CLVS1: variants seen among roughly 807,000 people sequenced by gnomAD.
CLVS1 encodes clavesin 1.
CLVS1 carries 10 observed loss-of-function variants against 33.1 expected under a neutral mutation model. That is an observed-to-expected ratio of 0.30 (90% CI 0.19 to 0.51). CLVS1 has a LOEUF of 0.51. CLVS1 is among the 20% of genes least tolerant of loss of function. The pLI, the probability that CLVS1 is intolerant of heterozygous loss-of-function variation, is 0.97. For missense variants in CLVS1, 343 were observed against 433.4 expected, an observed-to-expected ratio of 0.79 and a Z score of 1.85; for synonymous variants, 163 against 166.1, an observed-to-expected ratio of 0.98 and a Z score of 0.14.
intron 3 of CLVS1, among the ~76,000 whole-genome samples, chr8:61,385,139 G>A (rs1035475774): frequency 3.3e-5 from 5 of 152,170 alleles, no homozygotes; most frequent in African/African-American, 4.8e-5. Flanking sequence ...CATACTTTCC[G>A]TTGGGCAAGA....
At chr8:61,251,880 A>AT (rs1189004160) in intron 2 of CLVS1, among the ~76,000 whole-genome samples, 3 of 151,794 alleles carry the variant, frequency 2.0e-5, no homozygotes, top group African/African-American at 4.8e-5. Context: ...GAATTCATTG[A>AT]TTTTTTGAAG....
chr8:61,212,925 G>A (rs1808002713), intron 2 of CLVS1, among the ~76,000 whole-genome samples: 1 of 152,104 alleles, frequency 6.6e-6, no homozygotes, highest in African/African-American at 2.4e-5. Flanking sequence ...GTCGGGGACA[G>A]GTGAAGCTTG....
intron 2 of CLVS1, among the ~76,000 whole-genome samples, chr8:61,237,188 T>A (rs1391628746): frequency 6.6e-6 from 1 of 152,184 alleles, no homozygotes; most frequent in East Asian, 1.9e-4. Context: ...ATGACTCCTA[T>A]TTTCAGCATA....
intron 3 of CLVS1, among the ~76,000 whole-genome samples, chr8:61,433,192 G>A (rs1217223065): frequency 6.6e-6 from 1 of 152,182 alleles, no homozygotes; most frequent in East Asian, 1.9e-4. Context: ...GGGTCCAAGT[G>A]ATCCACCCAC....
chr8:61,207,070 C>T (rs772140349), intron 2 of CLVS1, among the ~76,000 whole-genome samples: 7 of 152,204 alleles, frequency 4.6e-5, no homozygotes, highest in Non-Finnish European at 8.8e-5. Context: ...CATCTTTGTA[C>T]TGAGGGAGCC....
intron 3 of CLVS1, among the ~76,000 whole-genome samples, chr8:61,418,347 CTATT>C (rs1815524859): frequency 6.6e-6 from 1 of 152,142 alleles, no homozygotes; most frequent in Admixed American, 6.5e-5. Context: ...AAAAAACCAA[CTATT>C]TGTTATTACT....
chr8:61,317,631 T>A (rs1297699038), intron 2 of CLVS1, among the ~76,000 whole-genome samples: 1 of 152,174 alleles, frequency 6.6e-6, no homozygotes, highest in Non-Finnish European at 1.5e-5. Flanking sequence ...TCTGAACAAG[T>A]ATTACTTTTT....
intron 2 of CLVS1, among the ~76,000 whole-genome samples, chr8:61,163,494 C>T (rs544425186): frequency 1.4e-4 from 22 of 152,310 alleles, no homozygotes; most frequent in African/African-American, 5.1e-4. Context: ...AAAGCTCTCC[C>T]TCCAAGCCGT....
At chr8:60,968,532 C>CA in the CLVS1 span, among the ~76,000 whole-genome samples, 2 of 140,938 alleles carry the variant, frequency 1.4e-5, no homozygotes, top group African/African-American at 5.3e-5. Flanking sequence ...AAAAAAAAAT[C>CA]AAATTTATAA....
intron 2 of CLVS1, among the ~76,000 whole-genome samples, chr8:61,257,208 T>C (rs1207737317): frequency 6.6e-6 from 1 of 152,200 alleles, no homozygotes; most frequent in Non-Finnish European, 1.5e-5. Flanking sequence ...TCTGTCCCAG[T>C]GCTAATTGAG....
chr8:61,290,140 G>T lies in CLVS1; in HGVS notation c.-152+2002G>T, dbSNP rs138125711. On this transcript the variant is annotated intron_variant, in intron 1 of 5. Transcript: ENST00000325897. Reference sequence around the variant, plus strand: ...ATTCTAGCTGCTTCACACCAGAAACGCAGTCCAGGAATCCAGTGCCTCTAG... The same window carrying T: ...ATTCTAGCTGCTTCACACCAGAAACTCAGTCCAGGAATCCAGTGCCTCTAG... Among the ~76,000 whole-genome samples the T allele has an allele frequency of 3.5e-3, 534 of 152,258 alleles. 2 individuals carry two copies. Among genetic ancestry groups the T allele is most frequent in the Middle Eastern group, 6.8e-3 (2 of 294 alleles).
rs555805475 is a variant in CLVS1 at position 61,358,258 on chromosome 8, C to T, written c.456-18347C>T. On this transcript the variant is annotated intron_variant, in intron 2 of 5. Coordinates refer to ENST00000325897, the MANE Select transcript of CLVS1 (RefSeq NM_173519.3). ...TTTGTAAAATGTTATTTGTTTGACCCTCACCTACCTCCTTTCCTATGTTAG... is the reference window on the plus strand; with the variant it reads ...TTTGTAAAATGTTATTTGTTTGACCTTCACCTACCTCCTTTCCTATGTTAG... Among the ~76,000 whole-genome samples the T allele has an allele frequency of 3.9e-5, 6 of 152,302 alleles. No homozygotes were observed. The South Asian group carries it at 1.2e-3, about 32-fold the overall frequency.
chr8:61,121,543 C>T (rs1805871509), intron 1 of CLVS1, among the ~76,000 whole-genome samples: 1 of 152,144 alleles, frequency 6.6e-6, no homozygotes, highest in East Asian at 1.9e-4. Context: ...TTGTGACACT[C>T]ACAGATGGAT....
chr8:61,479,519 A>G (rs1177054153), intron 5 of CLVS1, among the ~76,000 whole-genome samples: 1 of 151,978 alleles, frequency 6.6e-6, no homozygotes, highest in Non-Finnish European at 1.5e-5. Flanking sequence ...CTTCTTTGCC[A>G]TTGGTTCTAA....
chr8:61,451,810 C>CAGAGAGAGAGAGAG (rs545429020), intron 3 of CLVS1, among the ~76,000 whole-genome samples: 193 of 137,424 alleles, frequency 1.4e-3, no homozygotes, highest in Non-Finnish European at 2.1e-3. Flanking sequence ...CACACACACA[C>CAGAGAGAGAGAGAG]ACAGAGAGAG....
At chr8:61,177,802 C>CAAA (rs58292797) in intron 2 of CLVS1, among the ~76,000 whole-genome samples, 8 of 141,352 alleles carry the variant, frequency 5.7e-5, no homozygotes, top group African/African-American at 2.0e-4. Context: ...ACAACAGCAT[C>CAAA]AAAAAAAAAA....
chr8:61,356,131 T>C (rs1367067161), intron 2 of CLVS1, among the ~76,000 whole-genome samples: 1 of 151,812 alleles, frequency 6.6e-6, no homozygotes, highest in Non-Finnish European at 1.5e-5. Context: ...TGGTATCTCA[T>C]TGTGATTTTG....
chr8:61,380,910 T>C (rs889433920), intron 3 of CLVS1, among the ~76,000 whole-genome samples: 3 of 152,206 alleles, frequency 2.0e-5, no homozygotes, highest in African/African-American at 7.2e-5. Flanking sequence ...GCTACCTTCC[T>C]CAAGTGTTTC....
At chr8:61,017,259 G>T in the CLVS1 span, among the ~76,000 whole-genome samples, 1 of 152,188 alleles carries the variant, frequency 6.6e-6, no homozygotes, top group Non-Finnish European at 1.5e-5. Context: ...ATACCCGTGG[G>T]TATTTTGAAG....
Sources: allele counts gnomAD v4.1 joint callset (sites outside exome capture counted in the v4.1 genomes callset), GRCh38; gene constraint gnomAD v4.1.1; transcripts MANE v1.5; gene names NCBI Gene and HGNC (gene_info 2026-07-23, HGNC 2026-07-21).